SHISA6: variants seen among roughly 807,000 people sequenced by gnomAD.
The protein encoded by SHISA6 is shisa family member 6.
Under a neutral mutation model 47.9 loss-of-function variants are expected in SHISA6, and 22 were observed. That is an observed-to-expected ratio of 0.46 (90% CI 0.33 to 0.66). SHISA6 has a LOEUF of 0.66. Among genes scored for constraint, SHISA6 ranks in the 30% least tolerant of loss-of-function variants. The pLI, the probability that SHISA6 is intolerant of heterozygous loss-of-function variation, is 0.02. For synonymous variants in SHISA6, 388 were observed against 337.8 expected (o/e 1.15, Z -1.63); for missense variants, 680 against 764.6 (o/e 0.89, Z 1.30).
intron 3 of SHISA6, among the ~76,000 whole-genome samples, chr17:11,512,831 G>C (rs987012347): frequency 4.6e-5 from 7 of 151,850 alleles, no homozygotes; most frequent in Admixed American, 3.3e-4. Flanking sequence ...TCTACATTAT[G>C]AGTTGTAAAG....
chr17:11,375,657 G>A (rs57255446), intron 2 of SHISA6, among the ~76,000 whole-genome samples: 1 of 152,070 alleles, frequency 6.6e-6, no homozygotes, highest in Non-Finnish European at 1.5e-5. Context: ...CCCAGCCATG[G>A]TCCTCTCTTT....
chr17:11,392,705 C>T (rs1479403036), intron 3 of SHISA6, among the ~76,000 whole-genome samples: 1 of 152,214 alleles, frequency 6.6e-6, no homozygotes, highest in Non-Finnish European at 1.5e-5. Context: ...GATACAGCAA[C>T]ACAAAATGGA....
At chr17:11,481,358 G>GTATA (rs1209751142) in intron 3 of SHISA6, among the ~76,000 whole-genome samples, 35 of 109,916 alleles carry the variant, frequency 3.2e-4, no homozygotes, top group African/African-American at 1.2e-3. Context: ...GTGTGTGTGT[G>GTATA]TGTGTGTGTA....
At chr17:11,375,037 T>C (rs1912752319) in intron 2 of SHISA6, among the ~76,000 whole-genome samples, 1 of 152,128 alleles carries the variant, frequency 6.6e-6, no homozygotes, top group Non-Finnish European at 1.5e-5. Context: ...TGCTGCACTT[T>C]CTGTAGGTTT....
In SHISA6 at chr17:11,359,768, C is replaced by T. The variant is rs962863774; in HGVS notation, c.800-19646C>T. On this transcript the variant is annotated intron_variant, in intron 2 of 5. Transcript: ENST00000441885. ...TGTTTTGGGCCCAAACAGTTCTCACCGGGAAGTGGGAGAGGGTCATGTGAT... is the reference window on the plus strand; with the variant it reads ...TGTTTTGGGCCCAAACAGTTCTCACTGGGAAGTGGGAGAGGGTCATGTGAT... Among the ~76,000 whole-genome samples the T allele has an allele frequency of 5.9e-5, 9 of 152,070 alleles. No homozygotes were observed. In the East Asian group the frequency reaches 9.6e-4, roughly 16 times the overall value.
At chr17:11,422,506 C>G (rs916525781) in intron 3 of SHISA6, among the ~76,000 whole-genome samples, 1 of 152,198 alleles carries the variant, frequency 6.6e-6, no homozygotes, top group African/African-American at 2.4e-5. Context: ...AATCCCAACA[C>G]TTTGGGAGGC....
At chr17:11,247,753 A>C (rs2142134024) in intron 1 of SHISA6, among the ~76,000 whole-genome samples, 1 of 146,416 alleles carries the variant, frequency 6.8e-6, no homozygotes, top group East Asian at 2.0e-4. Flanking sequence ...TACGTTTATG[A>C]CCTCACCTCT....
intron 3 of SHISA6, among the ~76,000 whole-genome samples, chr17:11,509,066 A>G (rs1189372794): frequency 1.3e-5 from 2 of 150,024 alleles, no homozygotes; most frequent in Non-Finnish European, 3.0e-5. Flanking sequence ...TGCATAAAGC[A>G]TGGATGGGCT....
At chr17:11,277,280 T>TCTCTCACACACACACA (rs1386997909) in intron 2 of SHISA6, among the ~76,000 whole-genome samples, 19 of 53,930 alleles carry the variant, frequency 3.5e-4, no homozygotes, top group Non-Finnish European at 5.4e-4. Flanking sequence ...TCTCTCTCTC[T>TCTCTCACACACACACA]CACACACACA....
intron 3 of SHISA6, among the ~76,000 whole-genome samples, chr17:11,385,941 C>T (rs1197530536): frequency 6.6e-6 from 1 of 151,516 alleles, no homozygotes; most frequent in African/African-American, 2.4e-5. Flanking sequence ...GAGACCGAGG[C>T]TCGTGGAGAT....
chr17:11,389,763 G>C (rs372436669), intron 3 of SHISA6, among the ~76,000 whole-genome samples: 1 of 152,158 alleles, frequency 6.6e-6, no homozygotes, highest in South Asian at 2.1e-4. Flanking sequence ...CCTGGCACTG[G>C]TCTTGGCACT....
intron 3 of SHISA6, among the ~76,000 whole-genome samples, chr17:11,547,976 C>T (rs1284123872): frequency 6.6e-6 from 1 of 152,176 alleles, no homozygotes; most frequent in Non-Finnish European, 1.5e-5. Context: ...GAATGAATCA[C>T]TATGCAAGGA....
intron 3 of SHISA6, among the ~76,000 whole-genome samples, chr17:11,405,363 A>G (rs568223651): frequency 4.0e-5 from 6 of 150,968 alleles, no homozygotes; most frequent in South Asian, 2.1e-4. Context: ...GTGTAGAGCT[A>G]TGGTTCTCCA....
At chr17:11,491,770 GTTTT>G (rs1297841489) in intron 3 of SHISA6, among the ~76,000 whole-genome samples, 3 of 135,264 alleles carry the variant, frequency 2.2e-5, no homozygotes. Context: ...CTGGTGAAGT[GTTTT>G]TTTTTTTTTT....
chr17:11,398,813 G>A (rs893151217), intron 3 of SHISA6, among the ~76,000 whole-genome samples: 1 of 152,004 alleles, frequency 6.6e-6, no homozygotes, highest in Non-Finnish European at 1.5e-5. Flanking sequence ...GGATGGTCTC[G>A]ATCTCTTGAC....
At chr17:11,336,028 G>A (rs144082229) in intron 2 of SHISA6, among the ~76,000 whole-genome samples, 2,199 of 143,116 alleles carry the variant, frequency 0.015, 53 homozygotes, top group African/African-American at 0.057. Context: ...GTGAAACCCC[G>A]TCTCTACTTA....
intron 3 of SHISA6, among the ~76,000 whole-genome samples, chr17:11,509,037 C>G (rs2071522514): frequency 1.3e-5 from 2 of 152,080 alleles, no homozygotes; most frequent in Non-Finnish European, 2.9e-5. Flanking sequence ...ATTATAAAAT[C>G]CTCCCTGGAA....
chr17:11,323,736 G>C (rs565522809), intron 2 of SHISA6, among the ~76,000 whole-genome samples: 92 of 151,860 alleles, frequency 6.1e-4, no homozygotes, highest in African/African-American at 2.0e-3. Context: ...ACTTCAACCT[G>C]TAGGCTTTGC....
chr17:11,403,598 G>T (rs1223518775), intron 3 of SHISA6, among the ~76,000 whole-genome samples: 1 of 152,172 alleles, frequency 6.6e-6, no homozygotes, highest in Non-Finnish European at 1.5e-5. Flanking sequence ...CTGGCCACTG[G>T]GTGGGTGTCA....
Sources: gnomAD v4.1 joint callset for allele counts (sites outside exome capture counted in the v4.1 genomes callset) on GRCh38, gnomAD v4.1.1 for gene constraint, MANE v1.5 for transcripts, NCBI Gene and HGNC (gene_info 2026-07-23, HGNC 2026-07-21) for gene names.